The following CRLS1 variants were observed in gnomAD, a reference collection of about 807,000 sequenced individuals.
CRLS1 encodes the protein cardiolipin synthase 1.
Under a neutral mutation model 37.0 loss-of-function variants are expected in CRLS1, and 24 were observed. The observed-to-expected ratio is 0.65, with a 90% CI of 0.47 to 0.91. CRLS1 has a LOEUF of 0.91. CRLS1 is among the 40% of genes least tolerant of loss of function. The probability of loss-of-function intolerance (pLI) is 0.00; values close to 1 mark genes in which losing one functional copy is unlikely to be tolerated. For synonymous variants in CRLS1, 135 were observed against 159.7 expected (o/e 0.85, Z 1.17); for missense variants, 373 against 395.8 (o/e 0.94, Z 0.49).
intron 3 of CRLS1, among the ~76,000 whole-genome samples, chr20:6,022,553 G>T (rs981292340): frequency 2.0e-5 from 3 of 151,914 alleles, no homozygotes; most frequent in East Asian, 1.9e-4. Flanking sequence ...GCCCAGGCTG[G>T]TCTTGAACTT....
Position 6,006,288 on chromosome 20 carries a change from G to C in CRLS1, c.42G>C (p.Leu14=). ...LRVARGSWGA[L]RGAAWAPGTR... ...TGGCGCGCGGCTCGTGGGGGGCCCT[G>C]CGCGGCGCCGCTTGGGCTCCGGGAA... is the stretch of plus-strand genomic sequence containing the variant. Residue 14 remains leucine, a synonymous_variant, in exon 1 of 7, where the codon CTG becomes CTC. Transcript: ENST00000378863. 7.7e-7 allele frequency: 1 copy of C among 1,292,306 alleles called. No homozygotes were observed. Among genetic ancestry groups the C allele is most frequent in the Non-Finnish European group, 9.8e-7 (1 of 1,023,196 alleles). The allele number at this position is 1,292,306 out of a possible 1,614,324, so 80.1% of individuals were successfully genotyped here. A position where few individuals can be genotyped will look rare whatever the true frequency, so the allele number is the denominator to read the frequency against.
At chr20:6,008,553 T>G (rs1407268358) in intron 1 of CRLS1, among the ~76,000 whole-genome samples, 1 of 152,262 alleles carries the variant, frequency 6.6e-6, no homozygotes, top group Non-Finnish European at 1.5e-5. Context: ...AGCCCCCAGA[T>G]GGGAGCTGTG....
In CRLS1 at chr20:6,038,918, C is replaced by T. The variant is rs1980765083; in HGVS notation, c.*1760C>T. The T allele has an allele frequency of 6.6e-6, 1 of 152,178 alleles. No individual in the cohort carries two copies. Among genetic ancestry groups the T allele is most frequent in the Non-Finnish European group, 1.5e-5 (1 of 68,040 alleles). 9.4% of individuals were successfully genotyped at this position (152,178 alleles called of 1,614,324 possible). A position where few individuals can be genotyped will look rare whatever the true frequency, so the allele number is the denominator to read the frequency against. On this transcript the variant is annotated 3_prime_UTR_variant, in exon 7 of 7. Transcript: ENST00000378863. ...CCCTTAGGAAAATGGTCCAAGTCTC[C>T]TCAGGCTTTTGGATACTGAATTGTT...
At chr20:6,014,784 T>A (rs1014221393) in intron 2 of CRLS1, among the ~76,000 whole-genome samples, 3 of 152,250 alleles carry the variant, frequency 2.0e-5, no homozygotes, top group Non-Finnish European at 4.4e-5. Flanking sequence ...TTAAATGGTT[T>A]ATTTTTAATC....
intron 3 of CRLS1, among the ~76,000 whole-genome samples, chr20:6,019,691 C>CTTTTTTT (rs146083457): frequency 8.3e-6 from 1 of 120,250 alleles, no homozygotes; most frequent in Non-Finnish European, 1.7e-5. Flanking sequence ...TTTCGAAATT[C>CTTTTTTT]TTTTTTTTTT....
chr20:6,031,971 A>G, intron 4 of CRLS1, 41 bp from the exon 5 acceptor site: 1 of 1,438,614 alleles, frequency 7.0e-7, no homozygotes, highest in Non-Finnish European at 9.7e-7. Context: ...GTTATTTTAA[A>G]CAATAAGTTA....
chr20:6,028,988 C>T (rs1979935221), intron 3 of CRLS1, among the ~76,000 whole-genome samples: 1 of 152,226 alleles, frequency 6.6e-6, no homozygotes, highest in African/African-American at 2.4e-5. Context: ...CCATATCCTT[C>T]AGTTGGCTGA....
chr20:6,026,568 A>G (rs1188292118), intron 3 of CRLS1, among the ~76,000 whole-genome samples: 1 of 151,936 alleles, frequency 6.6e-6, no homozygotes, highest in Non-Finnish European at 1.5e-5. Context: ...TTCAGATTCT[A>G]TTTTTTGTTT....
At chr20:6,022,997 C>T (rs189727839) in intron 3 of CRLS1, among the ~76,000 whole-genome samples, 1 of 152,190 alleles carries the variant, frequency 6.6e-6, no homozygotes, top group Non-Finnish European at 1.5e-5. Flanking sequence ...TACTATTTTT[C>T]ATTTCATTAC....
intron 3 of CRLS1, among the ~76,000 whole-genome samples, chr20:6,027,741 A>G (rs894702281): frequency 5.9e-5 from 9 of 152,260 alleles, no homozygotes; most frequent in Admixed American, 3.3e-4. Flanking sequence ...TAGCATTTTC[A>G]TGTGTCTTGA....
At chr20:6,028,879 T>C (rs1429438541) in intron 3 of CRLS1, among the ~76,000 whole-genome samples, 1 of 152,230 alleles carries the variant, frequency 6.6e-6, no homozygotes, top group East Asian at 1.9e-4. Flanking sequence ...TTTCTTACTC[T>C]AGTAGGCAAA....
At chr20:6,028,219 G>A (rs991278967) in intron 3 of CRLS1, 49 of 151,860 alleles carry the variant, frequency 3.2e-4, no homozygotes, top group African/African-American at 1.1e-3. Flanking sequence ...TTCTTCCTTC[G>A]CTAGAATAAT....
chr20:6,034,415 A>G (rs781262385), intron 5 of CRLS1, 49 bp from the exon 6 acceptor site: 6 of 1,278,882 alleles, frequency 4.7e-6, no homozygotes, highest in Admixed American at 3.5e-5. Flanking sequence ...AGCTTGAAAT[A>G]GGATCCAGTT....
chr20:6,006,262 G>C lies in CRLS1; in HGVS notation c.16G>C (p.Val6Leu). 8.0e-7 allele frequency: 1 copy of C among 1,250,046 alleles called. No homozygotes were observed. The highest frequency in any genetic ancestry group is 1.0e-6 in the Non-Finnish European group (1 of 1,000,380). 77.4% of individuals were successfully genotyped at this position (1,250,046 alleles called of 1,614,324 possible). Reference sequence around the variant, plus strand: ...CCGCAGGGCCATGCTAGCCTTGCGCGTGGCGCGCGGCTCGTGGGGGGCCCT... The same window carrying C: ...CCGCAGGGCCATGCTAGCCTTGCGCCTGGCGCGCGGCTCGTGGGGGGCCCT... MLALRVARGSWGALRG... is the reference protein window; with the variant it reads MLALRLARGSWGALRG... Residue 6 changes from valine (V) to leucine (L), a missense_variant, in exon 1 of 7, where the codon GTG (valine) becomes CTG (leucine). By Grantham distance (32) the Val-to-Leu change is conservative (BLOSUM62 1). Coordinates refer to ENST00000378863, the MANE Select transcript of CRLS1 (RefSeq NM_019095.6).
chr20:6,030,035 G>A (rs193095836), intron 3 of CRLS1, among the ~76,000 whole-genome samples: 1 of 152,112 alleles, frequency 6.6e-6, no homozygotes, highest in East Asian at 1.9e-4. Context: ...AAGTATTTTG[G>A]AAGGGATGTT....
chr20:6,016,933 T>G (rs1274296121), intron 3 of CRLS1, among the ~76,000 whole-genome samples: 2 of 152,224 alleles, frequency 1.3e-5, no homozygotes, highest in Non-Finnish European at 2.9e-5. Flanking sequence ...CTATTTTGTC[T>G]TCCATACATG....
At chr20:6,026,620 A>G (rs1268589067) in intron 3 of CRLS1, among the ~76,000 whole-genome samples, 1 of 152,104 alleles carries the variant, frequency 6.6e-6, no homozygotes, top group Non-Finnish European at 1.5e-5. Flanking sequence ...ATTGAAATGT[A>G]TGGTGATCCT....
chr20:6,035,712 C>T (rs575055665), intron 6 of CRLS1, among the ~76,000 whole-genome samples: 1 of 152,270 alleles, frequency 6.6e-6, no homozygotes, highest in Non-Finnish European at 1.5e-5. Flanking sequence ...ACCTTGAATT[C>T]CTGGCCTCAA....
intron 4 of CRLS1, 109 bp downstream of exon 4, chr20:6,031,479 C>G: frequency 1.4e-6 from 1 of 705,160 alleles, no homozygotes; most frequent in Non-Finnish European, 2.4e-6. Flanking sequence ...CACGTGAAAC[C>G]CAGACTAGCC....
Sources: allele counts gnomAD v4.1 joint callset (sites outside exome capture counted in the v4.1 genomes callset), GRCh38; gene constraint gnomAD v4.1.1; transcripts MANE v1.5; gene names NCBI Gene and HGNC (gene_info 2026-07-23, HGNC 2026-07-21).